The following DCDC1 variants were observed in gnomAD, a reference collection of about 807,000 sequenced individuals.
The protein encoded by DCDC1 is doublecortin domain-containing protein 1.
In DCDC1, 200 loss-of-function variants were observed where a neutral mutation model predicts 178.3. The observed-to-expected ratio is 1.12, with a 90% confidence interval of 1.00 to 1.26. The LOEUF is 1.26. Among genes scored for constraint, DCDC1 ranks in the 50% most tolerant of loss-of-function variants. The pLI is 0.00. For missense variants in DCDC1, 1,983 were observed against 1,749.2 expected (o/e 1.13, Z -2.38); for synonymous variants, 690 against 604.8 (o/e 1.14, Z -2.07).
intron 20 of DCDC1, among the ~76,000 whole-genome samples, chr11:31,050,805 A>G (rs1048245527): frequency 2.2e-4 from 34 of 152,282 alleles, no homozygotes; most frequent in African/African-American, 7.2e-4. Flanking sequence ...GAAAAGGGGG[A>G]GAGTCTACAT....
chr11:31,282,852 G>GT (rs1400066932), intron 7 of DCDC1, among the ~76,000 whole-genome samples: 1 of 152,054 alleles, frequency 6.6e-6, no homozygotes, highest in Non-Finnish European at 1.5e-5. Context: ...AAGATAACCA[G>GT]TTTTTTCTTT....
intron 25 of DCDC1, among the ~76,000 whole-genome samples, chr11:30,919,028 A>C (rs1274585981): frequency 6.6e-6 from 1 of 152,070 alleles, no homozygotes; most frequent in Non-Finnish European, 1.5e-5. Flanking sequence ...TATGCAAAAA[A>C]CTCCAAACAA....
intron 20 of DCDC1, among the ~76,000 whole-genome samples, chr11:31,049,904 T>C (rs1442203860): frequency 1.3e-5 from 2 of 152,096 alleles, no homozygotes; most frequent in African/African-American, 4.8e-5. Flanking sequence ...CAGGGATCCA[T>C]TGCGAGGGTG....
chr11:30,878,229 G>A (rs1054852864), intron 38 of DCDC1, among the ~76,000 whole-genome samples: 4 of 152,068 alleles, frequency 2.6e-5, no homozygotes, highest in Non-Finnish European at 5.9e-5. Flanking sequence ...GAGGTGGGAG[G>A]ATTGCTTGAG....
chr11:31,265,583 T>C lies in DCDC1; in HGVS notation c.978A>G (p.Thr326=). 7.1e-7 allele frequency: 1 copy of C among 1,410,408 alleles called. No homozygotes were observed. Among genetic ancestry groups the C allele is most frequent in the Non-Finnish European group, 9.3e-7 (1 of 1,074,008 alleles). 87.4% of individuals were successfully genotyped at this position (1,410,408 alleles called of 1,614,324 possible). A position where few individuals can be genotyped will look rare whatever the true frequency, so the allele number is the denominator to read the frequency against. Residue 326 remains threonine, a synonymous_variant, in exon 8 of 39, where the codon ACA becomes ACG. Coordinates refer to ENST00000684477, the MANE Select transcript of DCDC1 (RefSeq NM_001387274.1). ...ETMKKVLDTC[T]IRMNLNLPAR... The stretch of plus-strand genomic sequence containing the variant: ...CTGGTAAATTTAGATTCATTCTTAT[T>C]GTACAAGTATCTAAAACCTGTGCAG...
At chr11:30,871,566 A>C (rs1941561171) in intron 38 of DCDC1, among the ~76,000 whole-genome samples, 2 of 151,926 alleles carry the variant, frequency 1.3e-5, no homozygotes, top group Non-Finnish European at 2.9e-5. Flanking sequence ...CTATCTATCT[A>C]TCTCCCTCTC....
intron 20 of DCDC1, among the ~76,000 whole-genome samples, chr11:31,014,190 G>C (rs1029541796): frequency 6.6e-6 from 1 of 151,842 alleles, no homozygotes; most frequent in Non-Finnish European, 1.5e-5. Flanking sequence ...GCTCTTGCTC[G>C]CTCTCACTCT....
intron 36 of DCDC1, 95 bp from the exon 37 acceptor site, chr11:30,881,403 G>C: frequency 1.4e-6 from 2 of 1,454,428 alleles, no homozygotes; most frequent in Non-Finnish European, 1.9e-6. Flanking sequence ...TATTATCCCA[G>C]TTTGATTATT....
intron 9 of DCDC1, among the ~76,000 whole-genome samples, chr11:31,150,749 TC>T (rs34564247): frequency 0.57 from 85,841 of 151,882 alleles, 25,161 homozygotes; most frequent in East Asian, 0.93. Context: ...AATTGCTTTT[TC>T]CCTTATATCT....
rs141939004 is a variant in DCDC1, at chr11:30,932,048, T to G, written c.2716-96A>C. 3 of 1,201,160 alleles carry G rather than the reference T, an allele frequency of 2.5e-6. No homozygotes were observed. The East Asian group carries it at 8.4e-5, about 34-fold the overall frequency. 74.4% of individuals were successfully genotyped at this position (1,201,160 alleles called of 1,614,324 possible). A position where few individuals can be genotyped will look rare whatever the true frequency, so the allele number is the denominator to read the frequency against. On this transcript the variant is annotated intron_variant, in intron 21 of 38. Coordinates refer to ENST00000684477, the MANE Select transcript of DCDC1 (RefSeq NM_001387274.1). ...TTAAACACAGTTTATACCTTTAATC[T>G]CTCATTCATTCAACAAAAATGTATT...
At chr11:30,907,645 T>G (rs1945158910) in intron 29 of DCDC1, among the ~76,000 whole-genome samples, 2 of 152,008 alleles carry the variant, frequency 1.3e-5, no homozygotes, top group South Asian at 2.1e-4. Context: ...TGTTCCCAGC[T>G]AACAGCCTGC....
At chr11:30,977,627 A>G (rs1224738636) in intron 20 of DCDC1, among the ~76,000 whole-genome samples, 4 of 152,166 alleles carry the variant, frequency 2.6e-5, no homozygotes, top group Non-Finnish European at 5.9e-5. Flanking sequence ...CTTAGGCTAG[A>G]CATTTAGAAA....
At chr11:31,171,158 T>C (rs1967180012) in intron 9 of DCDC1, among the ~76,000 whole-genome samples, 2 of 152,156 alleles carry the variant, frequency 1.3e-5, no homozygotes, top group African/African-American at 4.8e-5. Flanking sequence ...GACAGTTCTA[T>C]ACCAGAATCC....
chr11:31,006,617 A>G (rs1243202952), intron 20 of DCDC1, among the ~76,000 whole-genome samples: 1 of 152,212 alleles, frequency 6.6e-6, no homozygotes, highest in Admixed American at 6.5e-5. Context: ...GAAGAGAATA[A>G]TATCTATCTC....
rs368465520 is a variant in DCDC1 at position 30,952,607 on chromosome 11, G to T, written c.2592-39C>A. On this transcript the variant is annotated intron_variant, in intron 20 of 38. Coordinates refer to ENST00000684477, the MANE Select transcript of DCDC1 (RefSeq NM_001387274.1). ...TAAAAAACAAAAAGAAATTTAGCAA[G>T]GTTAAATATCACTTTAAAATATTCA... 74 of 832,720 alleles carry T rather than the reference G, an allele frequency of 8.9e-5. No individual in the cohort carries two copies. In the African/African-American group the frequency reaches 1.2e-3, roughly 13 times the overall value. 51.6% of individuals were successfully genotyped at this position (832,720 alleles called of 1,614,324 possible).
intron 20 of DCDC1, among the ~76,000 whole-genome samples, chr11:30,964,068 A>C (rs750436285): frequency 6.6e-6 from 1 of 152,150 alleles, no homozygotes; most frequent in Non-Finnish European, 1.5e-5. Flanking sequence ...AAATATTGGC[A>C]CTAAAAATAT....
At chr11:31,252,217 T>G (rs1447932811) in intron 8 of DCDC1, among the ~76,000 whole-genome samples, 1 of 152,108 alleles carries the variant, frequency 6.6e-6, no homozygotes, top group Non-Finnish European at 1.5e-5. Context: ...TATAATAACT[T>G]GGACAAGGTA....
At chr11:31,057,957 CTGTGGGGACAGCTCTG>C (rs1425575110) in intron 20 of DCDC1, among the ~76,000 whole-genome samples, 2 of 152,174 alleles carry the variant, frequency 1.3e-5, no homozygotes, top group Admixed American at 6.5e-5. Context: ...CTGTTAGATT[CTGTGGGGACAGCTCTG>C]TGTGGGGACA....
At chr11:31,165,927 G>A (rs1028131944) in intron 9 of DCDC1, among the ~76,000 whole-genome samples, 1 of 152,106 alleles carries the variant, frequency 6.6e-6, no homozygotes, top group Non-Finnish European at 1.5e-5. Context: ...CAGTTCATGT[G>A]CTTACCATGT....
Sources: allele counts gnomAD v4.1 joint callset (sites outside exome capture counted in the v4.1 genomes callset), GRCh38; gene constraint gnomAD v4.1.1; transcripts MANE v1.5; gene names NCBI Gene and HGNC (gene_info 2026-07-23, HGNC 2026-07-21).